Variants in SLC17A5 observed in about 807,000 individuals in gnomAD.
SLC17A5 encodes solute carrier family 17 member 5, also known as sialin.
Under a neutral mutation model 59.4 loss-of-function variants are expected in SLC17A5, and 47 were observed. That is an observed-to-expected ratio of 0.79 (90% CI 0.63 to 1.01). The LOEUF is 1.01. Among genes scored for constraint, SLC17A5 ranks in the 50% least tolerant of loss-of-function variants. SLC17A5 has a pLI of 0.00. For missense variants in SLC17A5, 522 were observed against 595.5 expected (o/e 0.88, Z 1.28); for synonymous variants, 202 against 210.7 (o/e 0.96, Z 0.36).
chr6:73,627,631 A>ATT (rs10586058), intron 6 of SLC17A5, among the ~76,000 whole-genome samples: 5 of 143,482 alleles, frequency 3.5e-5, no homozygotes, highest in Admixed American at 7.0e-5. Context: ...TTATGAAAGC[A>ATT]TTTTTTTTTT....
chr6:73,628,160 C>G (rs1768526534), intron 6 of SLC17A5, among the ~76,000 whole-genome samples: 1 of 152,086 alleles, frequency 6.6e-6, no homozygotes, highest in Non-Finnish European at 1.5e-5. Context: ...TTCAAGTGAT[C>G]CTTCCACCTA....
intron 7 of SLC17A5, among the ~76,000 whole-genome samples, chr6:73,617,193 A>G (rs949755180): frequency 2.0e-5 from 3 of 152,062 alleles, no homozygotes; most frequent in African/African-American, 7.2e-5. Flanking sequence ...TGGGAGGCTG[A>G]GGCAGAAGAA....
chr6:73,651,194 C>T (rs1471768660), intron 1 of SLC17A5, among the ~76,000 whole-genome samples: 2 of 152,160 alleles, frequency 1.3e-5, no homozygotes, highest in Non-Finnish European at 1.5e-5. Flanking sequence ...GGCCCGGTGG[C>T]TCAGGCCTGT....
rs531228558 is a variant in SLC17A5, at chr6:73,616,370, T to A, written c.979-923A>T. ...TATAGTTACATCACCCAAATGTACATCCCTAGACACTTCGATTTAGTCTTG... is the reference window on the plus strand; with the variant it reads ...TATAGTTACATCACCCAAATGTACAACCCTAGACACTTCGATTTAGTCTTG... On this transcript the variant is annotated intron_variant, in intron 7 of 10. Transcript: ENST00000355773. 2.0e-4 allele frequency among the ~76,000 whole-genome samples: 30 copies of A among 152,286 alleles called. No homozygotes were observed. The South Asian group carries it at 5.8e-3, about 29-fold the overall frequency.
intron 6 of SLC17A5, among the ~76,000 whole-genome samples, chr6:73,630,074 C>A (rs1397871686): frequency 6.6e-6 from 1 of 151,520 alleles, no homozygotes; most frequent in Admixed American, 6.6e-5. Context: ...CTCACTGTAA[C>A]CTCCGCCTCC....
intron 1 of SLC17A5, 120 bp downstream of exon 1, chr6:73,653,673 C>T: frequency 8.9e-7 from 1 of 1,122,242 alleles, no homozygotes; most frequent in Non-Finnish European, 1.3e-6. Context: ...TGTCCCCTCG[C>T]GCCTGAGCAG....
At chr6:73,605,014 T>G (rs908179965) in intron 9 of SLC17A5, among the ~76,000 whole-genome samples, 1 of 152,152 alleles carries the variant, frequency 6.6e-6, no homozygotes, top group South Asian at 2.1e-4. Context: ...TTTTAAAATT[T>G]TGTTAAGTTT....
chr6:73,635,832 C>T (rs983842124), intron 5 of SLC17A5, among the ~76,000 whole-genome samples: 1 of 151,682 alleles, frequency 6.6e-6, no homozygotes, highest in African/African-American at 2.4e-5. Flanking sequence ...CCTCCGCCTG[C>T]TGGGTTCAAG....
At chr6:73,595,865 A>G (rs1442176568) in intron 10 of SLC17A5, among the ~76,000 whole-genome samples, 1 of 151,234 alleles carries the variant, frequency 6.6e-6, no homozygotes, top group African/African-American at 2.4e-5. Context: ...GGTGCATGCT[A>G]CCATGCCTGG....
At chr6:73,641,566 A>C in intron 3 of SLC17A5, 125 bp downstream of exon 3, 4 of 740,524 alleles carry the variant, frequency 5.4e-6, no homozygotes, top group Non-Finnish European at 9.0e-6. Flanking sequence ...TTTCTCTAAA[A>C]AATAAACCCC....
chr6:73,617,058 C>T (rs1335597210), intron 7 of SLC17A5, among the ~76,000 whole-genome samples: 2 of 150,384 alleles, frequency 1.3e-5, no homozygotes, highest in Admixed American at 6.6e-5. Context: ...TGGGAGGCCG[C>T]GGAGGAAGAA....
chr6:73,605,166 T>A (rs1561986233), intron 9 of SLC17A5, among the ~76,000 whole-genome samples: 1 of 152,254 alleles, frequency 6.6e-6, no homozygotes, highest in African/African-American at 2.4e-5. Context: ...ATTTTATAGA[T>A]GAAGAAAAAC....
chr6:73,610,794 G>A (rs892995210), intron 8 of SLC17A5, among the ~76,000 whole-genome samples: 1 of 152,158 alleles, frequency 6.6e-6, no homozygotes, highest in Non-Finnish European at 1.5e-5. Context: ...CCAAAACTCA[G>A]CTAAAATTCC....
chr6:73,635,785 G>A (rs961698592), intron 5 of SLC17A5, among the ~76,000 whole-genome samples: 16 of 149,902 alleles, frequency 1.1e-4, no homozygotes, highest in Non-Finnish European at 1.8e-4. Flanking sequence ...CTGTCTCACA[G>A]GCTGGAGTGC....
chr6:73,631,894 A>G (rs1768733477), intron 6 of SLC17A5, among the ~76,000 whole-genome samples: 1 of 150,640 alleles, frequency 6.6e-6, no homozygotes, highest in African/African-American at 2.5e-5. Flanking sequence ...TCAAAAAAAA[A>G]TGTTTAAAGA....
intron 6 of SLC17A5, among the ~76,000 whole-genome samples, chr6:73,624,326 C>T (rs1213756743): frequency 6.6e-6 from 1 of 152,060 alleles, no homozygotes; most frequent in African/African-American, 2.4e-5. Flanking sequence ...ATTGCTTGAA[C>T]CCGGGAGGTG....
chr6:73,641,649 G>T, intron 3 of SLC17A5, 42 bp downstream of exon 3: 1 of 1,378,348 alleles, frequency 7.3e-7, no homozygotes, highest in South Asian at 1.3e-5. Context: ...AAGAGAAGGA[G>T]ACACACGGTA....
intron 10 of SLC17A5, among the ~76,000 whole-genome samples, chr6:73,598,211 A>C (rs978647078): frequency 2.6e-5 from 4 of 152,226 alleles, no homozygotes; most frequent in Non-Finnish European, 5.9e-5. Flanking sequence ...AAATTCCACC[A>C]GTTTTTAGAG....
intron 10 of SLC17A5, among the ~76,000 whole-genome samples, chr6:73,599,170 C>T (rs953608399): frequency 1.3e-5 from 2 of 151,944 alleles, no homozygotes; most frequent in East Asian, 3.9e-4. Context: ...CAACGGAGTG[C>T]GAAACTTATT....
Sources: allele counts gnomAD v4.1 joint callset (sites outside exome capture counted in the v4.1 genomes callset), GRCh38; gene constraint gnomAD v4.1.1; transcripts MANE v1.5; gene names NCBI Gene and HGNC (gene_info 2026-07-23, HGNC 2026-07-21).